CREB3L2: variants seen among roughly 807,000 people sequenced by gnomAD.
CREB3L2 encodes the protein cAMP responsive element binding protein 3 like 2, also known as cyclic AMP-responsive element-binding protein 3-like protein 2.
Under a neutral mutation model 57.2 loss-of-function variants are expected in CREB3L2, and 23 were observed. That is an observed-to-expected ratio of 0.40 (90% CI 0.29 to 0.57). The LOEUF (loss-of-function observed/expected upper bound fraction) is 0.57, where lower values mean the gene tolerates loss of function less well. Among genes scored for constraint, CREB3L2 ranks in the 20% least tolerant of loss-of-function variants. CREB3L2 has a pLI of 0.42. For synonymous variants in CREB3L2, 268 were observed against 265.1 expected (o/e 1.01, Z -0.11); for missense variants, 628 against 634.7 (o/e 0.99, Z 0.11).
In CREB3L2 at chr7:137,882,548, C is replaced by G; in HGVS notation, c.1351G>C (p.Gly451Arg). ...AGGGAGGAACCTCTATCCCAGCCCC[C>G]CAGCTCCCCAGCCGAGCCCGGGCTG... Reference protein sequence around the residue: ...SSSPGSAGELGGWDRGSSLLR... With the variant: ...SSSPGSAGELRGWDRGSSLLR... Residue 451 changes from glycine (G) to arginine (R), a missense_variant, in exon 11 of 12, where the codon GGG (glycine) becomes CGG (arginine). Physicochemically the swap from Gly to Arg is moderately radical, Grantham distance 125. Coordinates refer to ENST00000330387, the MANE Select transcript of CREB3L2 (RefSeq NM_194071.4). 3 of 1,613,834 alleles carry G rather than the reference C, an allele frequency of 1.9e-6. No individual in the cohort carries two copies. Among genetic ancestry groups the G allele is most frequent in the South Asian group, 1.1e-5 (1 of 91,064 alleles).
chr7:137,883,950 C>T (rs375675522), intron 10 of CREB3L2, among the ~76,000 whole-genome samples: 62 of 152,226 alleles, frequency 4.1e-4, no homozygotes, highest in African/African-American at 9.9e-4. Flanking sequence ...TATCTGACAC[C>T]GGAGTCCCCA....
intron 10 of CREB3L2, 83 bp downstream of exon 10, chr7:137,884,912 G>A: frequency 6.4e-7 from 1 of 1,551,624 alleles, no homozygotes; most frequent in Non-Finnish European, 8.9e-7. Flanking sequence ...GACTTTCACA[G>A]AAGATTCCTT....
intron 2 of CREB3L2, among the ~76,000 whole-genome samples, chr7:137,918,200 T>TGTTTG (rs71533766): frequency 2.0e-5 from 3 of 151,686 alleles, no homozygotes; most frequent in Admixed American, 1.3e-4. Context: ...TTTTGCTTTT[T>TGTTTG]GTTTTGTTTT....
chr7:137,960,306 C>T (rs1438515898), intron 1 of CREB3L2, among the ~76,000 whole-genome samples: 1 of 152,048 alleles, frequency 6.6e-6, no homozygotes, highest in Non-Finnish European at 1.5e-5. Flanking sequence ...GGAGTAAGTG[C>T]TAAGTTCGTA....
intron 1 of CREB3L2, among the ~76,000 whole-genome samples, chr7:137,976,458 GT>G (rs150063322): frequency 0.19 from 28,247 of 152,094 alleles, 3,322 homozygotes; most frequent in African/African-American, 0.33. Context: ...GGTTATGTTT[GT>G]TTTTTTCCCA....
At chr7:137,978,731 C>T (rs13232030) in intron 1 of CREB3L2, among the ~76,000 whole-genome samples, 28,054 of 152,156 alleles carry the variant, frequency 0.18, 3,255 homozygotes, top group South Asian at 0.26. Flanking sequence ...CTGACTAGGG[C>T]AGTAGTGACG....
Position 137,904,659 on chromosome 7 carries a change from A to G in CREB3L2, c.916-642T>C, listed in dbSNP as rs546737931. On this transcript the variant is annotated intron_variant, in intron 6 of 11. Transcript: ENST00000330387. ...AGCCTAGGTGACAGAGAGAGACTCC[A>G]TCTCAAAACAAAAAACAAAAAACAA... Among the ~76,000 whole-genome samples the G allele has an allele frequency of 2.0e-5, 3 of 151,602 alleles. No individual in the cohort carries two copies. The South Asian group carries it at 6.3e-4, about 32-fold the overall frequency.
intron 7 of CREB3L2, among the ~76,000 whole-genome samples, chr7:137,901,847 A>T (rs1799764784): frequency 8.2e-6 from 1 of 122,100 alleles, no homozygotes; most frequent in Non-Finnish European, 1.6e-5. Flanking sequence ...ACTGCACCCC[A>T]GCCTTGTGAC....
At chr7:137,886,290 T>TA (rs1421341833) in intron 8 of CREB3L2, among the ~76,000 whole-genome samples, 1 of 150,554 alleles carries the variant, frequency 6.6e-6, no homozygotes, top group Non-Finnish European at 1.5e-5. Flanking sequence ...GAAGGAAAAA[T>TA]AAAAAATGAC....
At chr7:137,913,190 CT>C in intron 3 of CREB3L2, 112 bp from the exon 4 acceptor site, 1 of 1,091,864 alleles carries the variant, frequency 9.2e-7, no homozygotes, top group Non-Finnish European at 1.3e-6. Context: ...CCTGCCTATC[CT>C]GGAGAATAGC....
rs1238509501 is a variant in CREB3L2, at chr7:137,972,593, T to A, written c.102+29011A>T. Among the ~76,000 whole-genome samples, 4 of 142,120 alleles carry A rather than the reference T, an allele frequency of 2.8e-5. No individual in the cohort carries two copies. In the East Asian group the frequency reaches 8.8e-4, roughly 31 times the overall value. The allele number at this position is 142,120 out of a possible 152,430, so 93.2% of individuals were successfully genotyped here. On this transcript the variant is annotated intron_variant, in intron 1 of 11. Transcript: ENST00000330387. The stretch of plus-strand genomic sequence containing the variant: ...CAGGTTTGGTGGCTCACATCTGTAA[T>A]CCCAGCTACTTGGGAGGCTGAAGTG...
rs756310062 is a variant in CREB3L2 at position 137,928,191 on chromosome 7, G to A, written c.278C>T (p.Ser93Leu). Residue 93 changes from serine (S) to leucine (L), a missense_variant, in exon 2 of 12, where the codon TCG becomes TTG. Around this residue, in one of 3 missense-constraint regions of CREB3L2, gnomAD observed 339 missense variants for 355.4 expected, o/e 0.95. Transcript: ENST00000330387. ...YSLCEEPRAQ[S>L]PFTHITTSDS... ...ACTGGTGGTAATGTGGGTGAAGGGC[G>A]ACTGGGCCCGAGGCTCCTCGCACAG... 70 of 1,597,324 alleles carry A rather than the reference G, an allele frequency of 4.4e-5. No individual in the cohort carries two copies. The highest frequency in any genetic ancestry group is 2.3e-4 in the East Asian group (10 of 44,402).
At chr7:137,904,050 T>C in intron 6 of CREB3L2, 33 bp from the exon 7 acceptor site, 1 of 1,566,098 alleles carries the variant, frequency 6.4e-7, no homozygotes, top group Non-Finnish European at 8.8e-7. Context: ...GAATGATTAA[T>C]TTCCAGCTCT....
intron 2 of CREB3L2, among the ~76,000 whole-genome samples, chr7:137,922,427 T>TAC (rs1800335489): frequency 2.0e-5 from 1 of 50,986 alleles, no homozygotes; most frequent in African/African-American, 1.4e-4. Context: ...TATATATATA[T>TAC]ATATATATAC....
intron 2 of CREB3L2, among the ~76,000 whole-genome samples, chr7:137,916,605 C>G (rs770958954): frequency 6.6e-6 from 1 of 151,954 alleles, no homozygotes; most frequent in Non-Finnish European, 1.5e-5. Flanking sequence ...GTGGTCCCAG[C>G]TACTTGGGAG....
intron 1 of CREB3L2, among the ~76,000 whole-genome samples, chr7:137,942,255 G>T: frequency 6.6e-6 from 1 of 152,136 alleles, no homozygotes. Flanking sequence ...TCCTACTTTG[G>T]TGGCACTGCT....
chr7:137,892,853 G>A (rs1799551524), intron 8 of CREB3L2, among the ~76,000 whole-genome samples: 1 of 152,090 alleles, frequency 6.6e-6, no homozygotes, highest in Non-Finnish European at 1.5e-5. Flanking sequence ...TGGAGGGCAG[G>A]GAGGTGGCGG....
intron 4 of CREB3L2, among the ~76,000 whole-genome samples, chr7:137,909,848 G>A (rs1195513622): frequency 3.9e-5 from 6 of 152,204 alleles, no homozygotes; most frequent in South Asian, 2.1e-4. Flanking sequence ...CCCAGCGGGA[G>A]ATCATTGAAT....
At chr7:137,891,503 G>GAA (rs1043322508) in intron 8 of CREB3L2, among the ~76,000 whole-genome samples, 1 of 146,786 alleles carries the variant, frequency 6.8e-6, no homozygotes, top group Non-Finnish European at 1.5e-5. Context: ...CCAGGAGCAG[G>GAA]AAAAAAAAAA....
Sources: allele counts gnomAD v4.1 joint callset (sites outside exome capture counted in the v4.1 genomes callset), GRCh38; gene constraint gnomAD v4.1.1; regional missense constraint gnomAD v4.1.1; transcripts MANE v1.5; gene names NCBI Gene and HGNC (gene_info 2026-07-23, HGNC 2026-07-21).